RIPOR3: variants seen among roughly 807,000 people sequenced by gnomAD.
RIPOR3 encodes the protein family with sequence similarity 65 member C.
A neutral mutation model predicts 114.3 loss-of-function variants in RIPOR3; 95 were observed. That is an observed-to-expected ratio of 0.83 (90% CI 0.70 to 0.99). The LOEUF (loss-of-function observed/expected upper bound fraction) is 0.99, where lower values mean the gene tolerates loss of function less well. Among genes scored for constraint, RIPOR3 ranks in the 50% least tolerant of loss-of-function variants. The pLI is 0.00. For missense variants in RIPOR3, 1,252 were observed against 1,266.9 expected, an observed-to-expected ratio of 0.99 and a Z score of 0.18; for synonymous variants, 575 against 543.8, an observed-to-expected ratio of 1.06 and a Z score of -0.80.
chr20:50,672,241 G>A (rs913410575), intron 1 of RIPOR3, among the ~76,000 whole-genome samples: 2 of 152,120 alleles, frequency 1.3e-5, no homozygotes, highest in South Asian at 2.1e-4. Context: ...CTCTACCTCC[G>A]TCCTCACTTC....
At chr20:50,622,631 C>T (rs2084458483) in intron 2 of RIPOR3, among the ~76,000 whole-genome samples, 1 of 151,788 alleles carries the variant, frequency 6.6e-6, no homozygotes, top group African/African-American at 2.4e-5. Flanking sequence ...CCTGAATAGC[C>T]TCGTGAAGCA....
intron 1 of RIPOR3, among the ~76,000 whole-genome samples, chr20:50,676,811 C>CCAGGCTGGTCTCAAACT (rs1568961234): frequency 2.2e-5 from 3 of 137,394 alleles, no homozygotes; most frequent in Non-Finnish European, 4.6e-5. Context: ...TTGCTTATAC[C>CCAGGCTGGTCTCAAACT]CAGGCTGGTT....
chr20:50,596,831 C>T (rs1415184162), intron 14 of RIPOR3: 1 of 157,696 alleles, frequency 6.3e-6, no homozygotes, highest in Non-Finnish European at 1.4e-5. Context: ...ATGCAGAAGC[C>T]CTCGGGGGCT....
intron 3 of RIPOR3, among the ~76,000 whole-genome samples, chr20:50,617,004 T>C (rs1026120247): frequency 1.3e-5 from 2 of 152,288 alleles, no homozygotes; most frequent in East Asian, 1.9e-4. Flanking sequence ...TAGCCGGGCA[T>C]GGTGGCACAC....
intron 1 of RIPOR3, among the ~76,000 whole-genome samples, chr20:50,635,925 G>A (rs1329784964): frequency 6.6e-6 from 1 of 152,214 alleles, no homozygotes; most frequent in Non-Finnish European, 1.5e-5. Context: ...GGATTGGGAG[G>A]GGGACCTGCC....
intron 18 of RIPOR3, 135 bp from the exon 19 acceptor site, chr20:50,592,681 G>A (rs1360625519): frequency 1.2e-6 from 1 of 807,738 alleles, no homozygotes; most frequent in African/African-American, 1.8e-5. Context: ...CCAAGGCCCA[G>A]CCTGGACTAA....
Position 50,602,040 on chromosome 20 carries a change from C to T in RIPOR3, c.1659+32G>A. 2 of 1,452,086 alleles carry T rather than the reference C, an allele frequency of 1.4e-6. No individual in the cohort carries two copies. Among genetic ancestry groups the T allele is most frequent in the South Asian group, 1.4e-5 (1 of 69,356 alleles). 90.0% of individuals were successfully genotyped at this position (1,452,086 alleles called of 1,614,324 possible). A position where few individuals can be genotyped will look rare whatever the true frequency, so the allele number is the denominator to read the frequency against. On this transcript the variant is annotated intron_variant, in intron 13 of 21. Coordinates refer to ENST00000327979, the MANE Select transcript of RIPOR3 (RefSeq NM_001290268.2). This position sits in a 1 kb window ranked among gnomAD's most constrained non-coding sequence, Gnocchi z 4.3. Reference sequence around the variant, plus strand: ...CCCAGTCATCATGCCATCAGCAAAGCAGGGCCACCGCCCGGGGCGGGGTGG... The same window carrying T: ...CCCAGTCATCATGCCATCAGCAAAGTAGGGCCACCGCCCGGGGCGGGGTGG...
At chr20:50,598,595 T>C (rs2083384914) in intron 13 of RIPOR3, among the ~76,000 whole-genome samples, 1 of 152,212 alleles carries the variant, frequency 6.6e-6, no homozygotes, top group African/African-American at 2.4e-5. Context: ...TACATGTGTA[T>C]GTAAGTGTGT....
intron 1 of RIPOR3, among the ~76,000 whole-genome samples, chr20:50,646,129 A>G (rs1164881149): frequency 6.7e-6 from 1 of 149,600 alleles, no homozygotes; most frequent in African/African-American, 2.5e-5. Context: ...GTATTTATGT[A>G]TTTATTTATT....
At chr20:50,639,470 G>T (rs34298671) in intron 1 of RIPOR3, among the ~76,000 whole-genome samples, 18,973 of 152,084 alleles carry the variant, frequency 0.12, 1,295 homozygotes, top group Admixed American at 0.17. Flanking sequence ...CTCCCCGGGG[G>T]CAGGGCACTG....
intron 1 of RIPOR3, among the ~76,000 whole-genome samples, chr20:50,657,248 T>C (rs1279039600): frequency 6.6e-6 from 1 of 152,160 alleles, no homozygotes; most frequent in Non-Finnish European, 1.5e-5. Context: ...AGAGAGAGGC[T>C]GGGCATGGTG....
intron 1 of RIPOR3, among the ~76,000 whole-genome samples, chr20:50,664,020 G>A (rs945919934): frequency 3.4e-5 from 5 of 149,006 alleles, no homozygotes; most frequent in Non-Finnish European, 5.9e-5. Flanking sequence ...TCCGCCTCCC[G>A]GCTTCAAGCG....
In RIPOR3 at chr20:50,684,184, T is replaced by C. The variant is rs1454728851; in HGVS notation, c.3+6942A>G. 1.2e-4 allele frequency among the ~76,000 whole-genome samples: 16 copies of C among 134,378 alleles called. No individual in the cohort carries two copies. In the East Asian group the frequency reaches 3.9e-3, roughly 33 times the overall value. 88.2% of individuals were successfully genotyped at this position (134,378 alleles called of 152,430 possible). A position where few individuals can be genotyped will look rare whatever the true frequency, so the allele number is the denominator to read the frequency against. On this transcript the variant is annotated intron_variant, in intron 1 of 21. Coordinates refer to ENST00000327979, the MANE Select transcript of RIPOR3 (RefSeq NM_001290268.2). ...ATGTTAGATGATGAGACGTGTGTGG[T>C]AAGGAGAAAAATAAACCAGAAAAGG...
At chr20:50,601,733 C>T (rs1232872060) in intron 13 of RIPOR3, among the ~76,000 whole-genome samples, 1 of 152,138 alleles carries the variant, frequency 6.6e-6, no homozygotes, top group Non-Finnish European at 1.5e-5. Flanking sequence ...TTCCATGGAG[C>T]CAGCTGCGAC....
At chr20:50,591,919 A>G (rs2083120606) in intron 19 of RIPOR3, among the ~76,000 whole-genome samples, 1 of 152,184 alleles carries the variant, frequency 6.6e-6, no homozygotes, top group African/African-American at 2.4e-5. Context: ...ACATGGTGAA[A>G]CCCTGTATCT....
In RIPOR3 at chr20:50,620,064, A is replaced by T. The variant is rs368002758; in HGVS notation, c.191T>A (p.Leu64Gln). The T allele has an allele frequency of 1.2e-6, 2 of 1,614,058 alleles. No individual in the cohort carries two copies. Among genetic ancestry groups the T allele is most frequent in the Non-Finnish European group, 1.7e-6 (2 of 1,180,026 alleles). Residue 64 changes from leucine (L) to glutamine (Q), a missense_variant, in exon 3 of 22, where the codon CTG (leucine) becomes CAG (glutamine). By Grantham distance (113) the Leu-to-Gln change is moderately radical (BLOSUM62 -2). Coordinates refer to ENST00000327979, the MANE Select transcript of RIPOR3 (RefSeq NM_001290268.2). ...GTCTGCACAGACCGACCCCTTCCGC[A>T]GCGTGCCGTACATCTTGGAGGATTT... is the stretch of plus-strand genomic sequence containing the variant. The part of the protein sequence containing the change: ...PAKSSKMYGT[L>Q]RKGSVCADPK...
At chr20:50,661,573 T>C (rs1390213401) in intron 1 of RIPOR3, among the ~76,000 whole-genome samples, 1 of 152,156 alleles carries the variant, frequency 6.6e-6, no homozygotes, top group Non-Finnish European at 1.5e-5. Context: ...CAAGTTCCCC[T>C]TTCCTGGTCT....
At chr20:50,689,115 G>A (rs2087123007) in intron 1 of RIPOR3, among the ~76,000 whole-genome samples, 1 of 150,580 alleles carries the variant, frequency 6.6e-6, no homozygotes, top group Non-Finnish European at 1.5e-5. Flanking sequence ...GCCTCCTCCA[G>A]TACCATCCTG....
intron 2 of RIPOR3, among the ~76,000 whole-genome samples, 168 bp from the exon 3 acceptor site, chr20:50,620,300 G>A (rs1379514355): frequency 6.6e-6 from 1 of 152,190 alleles, no homozygotes; most frequent in Non-Finnish European, 1.5e-5. Context: ...AAGTTATGGA[G>A]CCTCTCTGGG....
Sources: gnomAD v4.1 joint callset for allele counts (sites outside exome capture counted in the v4.1 genomes callset) on GRCh38, gnomAD v4.1.1 for gene constraint, Gnocchi (gnomAD v3.1) non-coding constraint, MANE v1.5 for transcripts, NCBI Gene and HGNC (gene_info 2026-07-23, HGNC 2026-07-21) for gene names.